DTWD2: variants seen among roughly 807,000 people sequenced by gnomAD.
The protein encoded by DTWD2 is tRNA-uridine aminocarboxypropyltransferase 2.
DTWD2 carries 39 observed loss-of-function variants against 31.8 expected under a neutral mutation model. That is an observed-to-expected ratio of 1.22 (90% CI 0.95 to 1.60). The LOEUF (loss-of-function observed/expected upper bound fraction) is 1.60. DTWD2 is among the 40% of genes most tolerant of loss of function. The pLI is 0.00. For missense variants in DTWD2, 515 were observed against 381.5 expected (o/e 1.35, Z -2.92); for synonymous variants, 180 against 142.8 (o/e 1.26, Z -1.86).
chr5:118,863,816 T>C (rs1430648323), intron 4 of DTWD2, among the ~76,000 whole-genome samples: 2 of 152,066 alleles, frequency 1.3e-5, no homozygotes, highest in African/African-American at 4.8e-5. Context: ...CAAGTATATA[T>C]AATAGTTCCT....
intron 4 of DTWD2, among the ~76,000 whole-genome samples, chr5:118,883,813 G>C (rs1287299540): frequency 6.6e-6 from 1 of 152,120 alleles, no homozygotes; most frequent in African/African-American, 2.4e-5. Context: ...TGGAGACACA[G>C]AGCCAAACCA....
intron 1 of DTWD2, among the ~76,000 whole-genome samples, chr5:118,968,197 GAA>G (rs759930368): frequency 5.6e-5 from 7 of 126,082 alleles, no homozygotes; most frequent in East Asian, 2.2e-4. Flanking sequence ...ACAAAATCGT[GAA>G]AAAAAAAAAA....
At chr5:118,910,680 C>T (rs1160307227) in intron 4 of DTWD2, among the ~76,000 whole-genome samples, 1 of 152,182 alleles carries the variant, frequency 6.6e-6, no homozygotes, top group Non-Finnish European at 1.5e-5. Flanking sequence ...GTTACAACAG[C>T]ACCCCACTTC....
intron 3 of DTWD2, 26 bp from the exon 4 acceptor site, chr5:118,928,755 C>A (rs1237920649): frequency 6.8e-7 from 1 of 1,462,628 alleles, no homozygotes; most frequent in Admixed American, 2.3e-5. Context: ...AAAAATATAT[C>A]TTTATTAGCT....
chr5:118,968,535 G>T (rs760195622), intron 1 of DTWD2, among the ~76,000 whole-genome samples: 3 of 152,142 alleles, frequency 2.0e-5, no homozygotes, highest in Non-Finnish European at 4.4e-5. Flanking sequence ...TGAAGCCAGG[G>T]AAGGCCCTAC....
chr5:118,964,062 T>G (rs1356258340), intron 1 of DTWD2, among the ~76,000 whole-genome samples: 1 of 151,752 alleles, frequency 6.6e-6, no homozygotes, highest in African/African-American at 2.4e-5. Flanking sequence ...ATACAAAAAT[T>G]AGCCAGGCGT....
chr5:118,886,379 A>C (rs1193252708), intron 4 of DTWD2, among the ~76,000 whole-genome samples: 4 of 152,250 alleles, frequency 2.6e-5, no homozygotes, highest in African/African-American at 9.6e-5. Flanking sequence ...AGCATGAAAT[A>C]AATCCCTGTG....
chr5:118,936,509 T>C (rs532380194), intron 3 of DTWD2, among the ~76,000 whole-genome samples: 5 of 150,840 alleles, frequency 3.3e-5, no homozygotes, highest in African/African-American at 1.2e-4. Context: ...ACAGCTGAAA[T>C]GTTTATATGC....
chr5:118,931,426 G>T (rs970224894), intron 3 of DTWD2, among the ~76,000 whole-genome samples: 2 of 145,688 alleles, frequency 1.4e-5, no homozygotes, highest in African/African-American at 2.6e-5. Context: ...AAAAGTAACT[G>T]CAGTCTGCAA....
chr5:118,892,319 T>A (rs1192924847), intron 4 of DTWD2, among the ~76,000 whole-genome samples: 2 of 152,160 alleles, frequency 1.3e-5, no homozygotes, highest in Non-Finnish European at 2.9e-5. Context: ...ATAAATACTT[T>A]CCTTTAATAT....
chr5:118,964,300 T>C lies in DTWD2; in HGVS notation c.219-19651A>G, dbSNP rs963311490. The stretch of plus-strand genomic sequence containing the variant: ...ATGAGATATGACTTCAGGATGAGAT[T>C]GGTTCCAAATTATACTTCATATAAG... On this transcript the variant is annotated intron_variant, in intron 1 of 5. Coordinates refer to ENST00000510708, the MANE Select transcript of DTWD2 (RefSeq NM_173666.4). Among the ~76,000 whole-genome samples the C allele has an allele frequency of 2.0e-5, 3 of 152,154 alleles. No homozygotes were observed. The South Asian group carries it at 6.2e-4, about 32-fold the overall frequency.
At chr5:118,848,023 C>G in intron 5 of DTWD2, 67 bp downstream of exon 5, 18 of 1,408,470 alleles carry the variant, frequency 1.3e-5, no homozygotes, top group Non-Finnish European at 1.7e-5. Context: ...ACAAGCATGT[C>G]TAAATCTTCT....
intron 4 of DTWD2, among the ~76,000 whole-genome samples, chr5:118,903,254 A>C (rs1225505333): frequency 1.3e-5 from 2 of 151,998 alleles, no homozygotes; most frequent in Non-Finnish European, 2.9e-5. Context: ...GAAAACTATA[A>C]ACTGCTACAC....
chr5:118,894,561 A>G (rs894273158), intron 4 of DTWD2, among the ~76,000 whole-genome samples: 1 of 152,176 alleles, frequency 6.6e-6, no homozygotes, highest in Non-Finnish European at 1.5e-5. Flanking sequence ...ATACTTGTTC[A>G]AGGTATTTTC....
intron 4 of DTWD2, among the ~76,000 whole-genome samples, chr5:118,892,197 T>G (rs1428999735): frequency 6.6e-6 from 1 of 152,152 alleles, no homozygotes; most frequent in Admixed American, 6.5e-5. Flanking sequence ...CAAAAATATT[T>G]AATCTATATT....
At chr5:118,976,853 T>C (rs1755173354) in intron 1 of DTWD2, among the ~76,000 whole-genome samples, 2 of 152,336 alleles carry the variant, frequency 1.3e-5, no homozygotes, top group South Asian at 4.1e-4. Context: ...AGCATCATCC[T>C]GATACCAAAA....
chr5:118,965,085 G>C (rs924802305), intron 1 of DTWD2, among the ~76,000 whole-genome samples: 1 of 151,334 alleles, frequency 6.6e-6, no homozygotes, highest in Non-Finnish European at 1.5e-5. Context: ...ACCACTGCCC[G>C]GCCGCAACCC....
intron 4 of DTWD2, among the ~76,000 whole-genome samples, chr5:118,922,709 C>G: frequency 6.6e-6 from 1 of 152,136 alleles, no homozygotes. Context: ...AAACTATATA[C>G]AGTAGACTAT....
At chr5:118,936,342 C>T (rs1754044098) in intron 3 of DTWD2, among the ~76,000 whole-genome samples, 1 of 151,184 alleles carries the variant, frequency 6.6e-6, no homozygotes, top group South Asian at 2.1e-4. Flanking sequence ...AGTTCAAGAC[C>T]AGCCTGGGCA....
Sources: allele counts gnomAD v4.1 joint callset (sites outside exome capture counted in the v4.1 genomes callset), GRCh38; gene constraint gnomAD v4.1.1; transcripts MANE v1.5; gene names NCBI Gene and HGNC (gene_info 2026-07-23, HGNC 2026-07-21).